GIGYF2: variants seen among roughly 807,000 people sequenced by gnomAD.
GIGYF2 encodes the protein GRB10-interacting GYF protein 2.
In GIGYF2, 25 loss-of-function variants were observed where a neutral mutation model predicts 208.1. The ratio of observed to expected loss-of-function variants is 0.12; its 90% CI spans 0.09 to 0.17. The LOEUF (loss-of-function observed/expected upper bound fraction) is 0.17, where lower values mean the gene tolerates loss of function less well. Ranked by LOEUF, GIGYF2 falls within the 10% of genes least tolerant of loss-of-function variation. The pLI is 1.00. For synonymous variants in GIGYF2, 534 were observed against 543.8 expected, an observed-to-expected ratio of 0.98 and a Z score of 0.25; for missense variants, 1,302 against 1,579.4, an observed-to-expected ratio of 0.82 and a Z score of 2.98.
At chr2:232,729,536 A>C (rs1455440756) in intron 2 of GIGYF2, 6 of 1,320,990 alleles carry the variant, frequency 4.5e-6, no homozygotes, top group Non-Finnish European at 6.1e-6. Flanking sequence ...GATTTTGTTG[A>C]AAGCAGCCAC....
intron 8 of GIGYF2, among the ~76,000 whole-genome samples, chr2:232,782,199 CT>C (rs199740812): frequency 6.6e-6 from 1 of 151,890 alleles, no homozygotes; most frequent in African/African-American, 2.4e-5. Context: ...AGTACTATTT[CT>C]TTTTAAAAAA....
At chr2:232,697,549 G>A (rs972794458) in intron 1 of GIGYF2, among the ~76,000 whole-genome samples, 157 bp downstream of exon 1, 5 of 152,166 alleles carry the variant, frequency 3.3e-5, no homozygotes, top group African/African-American at 9.6e-5. Context: ...AGGCCGCTCC[G>A]GCCGGCTTGG....
intron 8 of GIGYF2, among the ~76,000 whole-genome samples, chr2:232,785,234 C>T (rs1463289585): frequency 1.3e-5 from 2 of 152,118 alleles, no homozygotes; most frequent in African/African-American, 4.8e-5. Context: ...GATAATAAAA[C>T]CCTTGCTTGG....
intron 2 of GIGYF2, among the ~76,000 whole-genome samples, chr2:232,712,565 A>G (rs981130701): frequency 1.3e-5 from 2 of 152,214 alleles, no homozygotes; most frequent in African/African-American, 2.4e-5. Flanking sequence ...AGTTTTCCCC[A>G]TCACTGCACA....
chr2:232,698,916 A>G (rs1322329294), intron 1 of GIGYF2, among the ~76,000 whole-genome samples: 3 of 152,220 alleles, frequency 2.0e-5, no homozygotes, highest in Non-Finnish European at 4.4e-5. Flanking sequence ...TTATTCATTC[A>G]TACATTCATT....
chr2:232,779,595 G>A (rs1315703986), intron 8 of GIGYF2, among the ~76,000 whole-genome samples: 1 of 152,140 alleles, frequency 6.6e-6, no homozygotes, highest in Non-Finnish European at 1.5e-5. Context: ...AGCCAACTAC[G>A]AATTGCCTTC....
chr2:232,727,365 G>A (rs1697247781), intron 2 of GIGYF2, among the ~76,000 whole-genome samples: 1 of 152,286 alleles, frequency 6.6e-6, no homozygotes, highest in African/African-American at 2.4e-5. Flanking sequence ...TCAGAATAAG[G>A]TATAGTGTAT....
At position 232,856,856 on chromosome 2, in the gene GIGYF2, A is replaced by T. The variant is rs756030444; in HGVS notation, c.3896A>T (p.Tyr1299Phe). 6.2e-7 allele frequency: 1 copy of T among 1,606,864 alleles called. No individual in the cohort carries two copies. The highest frequency in any genetic ancestry group is 8.5e-7 in the Non-Finnish European group (1 of 1,173,376). Residue 1299 changes from tyrosine (Y) to phenylalanine (F), a missense_variant, in exon 29 of 29, where the codon TAC (tyrosine) becomes TTC (phenylalanine). Tyr to Phe is a conservative substitution (Grantham distance 22). Transcript: ENST00000373563. ...GGTGAAATCGAGACGTTGGATGACT[A>T]CTGAGCACCTGCCAGTGGACTGGCC... The part of the protein sequence containing the change: ...NMGEIETLDD[Y>F]
intron 20 of GIGYF2, among the ~76,000 whole-genome samples, chr2:232,818,840 C>T (rs946173445): frequency 6.6e-6 from 1 of 151,972 alleles, no homozygotes; most frequent in African/African-American, 2.4e-5. Flanking sequence ...TGACCAATTC[C>T]CTATTGTTGG....
chr2:232,739,361 A>AACCCC (rs1697873299), intron 3 of GIGYF2, among the ~76,000 whole-genome samples: 4 of 75,596 alleles, frequency 5.3e-5, no homozygotes, highest in Non-Finnish European at 7.6e-5. Context: ...ACAAAAGCAA[A>AACCCC]CCCCCCCCCC....
chr2:232,811,492 T>C (rs1373559321), intron 17 of GIGYF2, 141 bp downstream of exon 17: 2 of 660,900 alleles, frequency 3.0e-6, no homozygotes, highest in Admixed American at 2.4e-5. Context: ...TGTAAAAAAG[T>C]ATATTTTAAA....
intron 3 of GIGYF2, among the ~76,000 whole-genome samples, chr2:232,737,072 AT>A (rs1697763346): frequency 1.3e-5 from 2 of 152,090 alleles, no homozygotes; most frequent in Admixed American, 1.3e-4. Context: ...TTGCTTCCAT[AT>A]TTTCTGACTG....
intron 21 of GIGYF2, among the ~76,000 whole-genome samples, chr2:232,829,480 T>C (rs1249595272): frequency 6.6e-6 from 1 of 152,234 alleles, no homozygotes; most frequent in African/African-American, 2.4e-5. Context: ...AGTTTAGTTC[T>C]GGCTGGCAGT....
intron 2 of GIGYF2, among the ~76,000 whole-genome samples, chr2:232,713,564 A>T (rs1696529513): frequency 6.6e-6 from 1 of 152,154 alleles, no homozygotes; most frequent in South Asian, 2.1e-4. Context: ...TCCCTCATTT[A>T]TTTACATTTC....
chr2:232,756,348 T>C lies in GIGYF2; in HGVS notation c.379+14T>C. The C allele has an allele frequency of 1.5e-6, 2 of 1,357,214 alleles. No individual in the cohort carries two copies. The highest frequency in any genetic ancestry group is 2.9e-5 in the African/African-American group (2 of 68,076). The allele number at this position is 1,357,214 out of a possible 1,614,324, so 84.1% of individuals were successfully genotyped here. ...CAAGAGGGCGAGGTGAGCTTTCATA[T>C]GAAAAAAGTAATAATGGAGGAGGAG... On this transcript the variant is annotated intron_variant, in intron 6 of 28. Coordinates refer to ENST00000373563, the MANE Select transcript of GIGYF2 (RefSeq NM_001103146.3).
intron 1 of GIGYF2, among the ~76,000 whole-genome samples, chr2:232,701,724 A>G (rs1695854883): frequency 6.6e-6 from 1 of 152,024 alleles, no homozygotes; most frequent in Non-Finnish European, 1.5e-5. Flanking sequence ...GTGCCCCACC[A>G]AGAATGCAAT....
chr2:232,813,044 A>T (rs1177666201), intron 18 of GIGYF2, among the ~76,000 whole-genome samples: 1 of 152,064 alleles, frequency 6.6e-6, no homozygotes, highest in Non-Finnish European at 1.5e-5. Flanking sequence ...CACTGTAGGT[A>T]CCCAGAAATT....
chr2:232,755,193 C>T (rs950291898), intron 5 of GIGYF2, among the ~76,000 whole-genome samples: 3 of 152,196 alleles, frequency 2.0e-5, no homozygotes, highest in South Asian at 2.1e-4. Context: ...TTTTTTGAGA[C>T]GGAGTCTTGC....
At chr2:232,730,285 T>A (rs1697403413) in intron 2 of GIGYF2, 1 of 658,920 alleles carries the variant, frequency 1.5e-6, no homozygotes, top group African/African-American at 1.8e-5. Context: ...AAAATATTCT[T>A]AGGTTTTTAA....
Sources: gnomAD v4.1 joint callset for allele counts (sites outside exome capture counted in the v4.1 genomes callset) on GRCh38, gnomAD v4.1.1 for gene constraint, MANE v1.5 for transcripts, NCBI Gene and HGNC (gene_info 2026-07-23, HGNC 2026-07-21) for gene names.